BMPER: variants seen among roughly 807,000 people sequenced by gnomAD.
The protein encoded by BMPER is BMP binding endothelial regulator, also known as BMP-binding endothelial regulator protein.
A neutral mutation model predicts 87.3 loss-of-function variants in BMPER; 45 were observed. The ratio of observed to expected loss-of-function variants is 0.52; its 90% CI spans 0.41 to 0.66. BMPER has a LOEUF of 0.66. Ranked by LOEUF, BMPER falls within the 30% of genes least tolerant of loss-of-function variation. The pLI is 0.00. For synonymous variants in BMPER, 326 were observed against 316.2 expected (o/e 1.03, Z -0.33); for missense variants, 784 against 867.5 (o/e 0.90, Z 1.21).
In BMPER at chr7:34,058,303, C is replaced by G. The variant is rs1049594212; in HGVS notation, c.1032+140C>G. On this transcript the variant is annotated intron_variant, in intron 10 of 14. Coordinates refer to ENST00000649409, the MANE Select transcript of BMPER (RefSeq NM_001365308.1). ...TTCCTGACTAGTCAAATGCCTCTTG[C>G]AAAGTTTGCTCATTCTTCTTGCAGA... The G allele has an allele frequency of 6.2e-6, 5 of 802,198 alleles. No homozygotes were observed. In the Admixed American group the frequency reaches 1.0e-4, roughly 16 times the overall value. 49.7% of individuals were successfully genotyped at this position (802,198 alleles called of 1,614,324 possible).
At chr7:34,028,959 G>T (rs1281775933) in intron 6 of BMPER, among the ~76,000 whole-genome samples, 3 of 151,938 alleles carry the variant, frequency 2.0e-5, no homozygotes, top group Non-Finnish European at 2.9e-5. Context: ...GACAGAATTA[G>T]AATTTGGAAA....
intron 6 of BMPER, among the ~76,000 whole-genome samples, chr7:34,009,077 A>G (rs1304063835): frequency 6.6e-6 from 1 of 150,884 alleles, no homozygotes; most frequent in Non-Finnish European, 1.5e-5. Context: ...TCCTGCCTTG[A>G]CCTCTGAAAG....
Position 33,905,655 on chromosome 7 carries a change from C to G in BMPER, c.42C>G (p.Tyr14Ter). ...GCGTCGGGGCTCTGGCTGAGCGTTA[C>G]TGCCGCCGCTCGCCTGGGATTACGT... The part of the protein sequence containing the change: ...FSGVGALAER[Y>*]CRRSPGITCC... Residue 14 changes from tyrosine (Y) to a stop codon, truncating the protein, a stop_gained, in exon 1 of 15, where the codon TAC becomes TAG. Transcript: ENST00000649409. LOFTEE classifies it high-confidence loss of function. The G allele has an allele frequency of 1.9e-6, 3 of 1,613,384 alleles. No homozygotes were observed. Among genetic ancestry groups the G allele is most frequent in the Non-Finnish European group, 2.5e-6 (3 of 1,179,914 alleles).
chr7:34,057,335 T>C (rs1788312396), intron 9 of BMPER, among the ~76,000 whole-genome samples: 1 of 152,204 alleles, frequency 6.6e-6, no homozygotes, highest in Non-Finnish European at 1.5e-5. Flanking sequence ...TCACAGATTA[T>C]ACCTTTCATG....
At chr7:34,063,405 G>A (rs1585792364) in intron 11 of BMPER, among the ~76,000 whole-genome samples, 1 of 145,650 alleles carries the variant, frequency 6.9e-6, no homozygotes, top group South Asian at 2.2e-4. Context: ...GTGTGTGTGT[G>A]TATTTATATA....
In BMPER at chr7:34,085,918, A is replaced by G. The variant is rs1789189684; in HGVS notation, c.1571A>G (p.Glu524Gly). ...NFKFDVDDFA[E>G]SWRVESNEFC... ...AAGTTTGATGTGGATGACTTTGCTG[A>G]ATCTTGGAGGGTGGAGTCCAATGAG... is the stretch of plus-strand genomic sequence containing the variant. The change falls in exon 13 of 15, where the codon GAA (glutamate) becomes GGA (glycine). Residue 524 changes from glutamate to glycine, a missense_variant. Physicochemically the swap from Glu to Gly is moderately conservative, Grantham distance 98 (BLOSUM62 -2). Transcript: ENST00000649409. 1 of 1,614,026 alleles carries G rather than the reference A, an allele frequency of 6.2e-7. No homozygotes were observed. Among genetic ancestry groups the G allele is most frequent in the South Asian group, 1.1e-5 (1 of 91,084 alleles).
At chr7:33,911,614 G>A (rs774201816) in intron 2 of BMPER, among the ~76,000 whole-genome samples, 22 of 152,142 alleles carry the variant, frequency 1.4e-4, no homozygotes, top group Non-Finnish European at 2.5e-4. Context: ...AAAGAACTTT[G>A]GCCCAGACAT....
At chr7:33,914,265 T>C (rs1273682748) in intron 2 of BMPER, among the ~76,000 whole-genome samples, 2 of 152,182 alleles carry the variant, frequency 1.3e-5, no homozygotes, top group Non-Finnish European at 2.9e-5. Context: ...GCGCCCGGCC[T>C]TCAGCACAAT....
intron 13 of BMPER, among the ~76,000 whole-genome samples, chr7:34,107,451 C>G (rs573314373): frequency 1.3e-4 from 20 of 152,230 alleles, no homozygotes; most frequent in African/African-American, 4.6e-4. Context: ...TAATTTCTGC[C>G]AAACCTCAGA....
At chr7:34,023,197 C>T (rs1787244355) in intron 6 of BMPER, among the ~76,000 whole-genome samples, 2 of 152,048 alleles carry the variant, frequency 1.3e-5, no homozygotes, top group Non-Finnish European at 2.9e-5. Context: ...TGACCCTGCT[C>T]ATAGCAGGAT....
chr7:34,007,035 A>T (rs554350212), intron 6 of BMPER, among the ~76,000 whole-genome samples: 1 of 152,232 alleles, frequency 6.6e-6, no homozygotes, highest in South Asian at 2.1e-4. Flanking sequence ...GTTAGAATTC[A>T]GTGAATGGCA....
chr7:34,130,757 G>A (rs992923219), intron 13 of BMPER, among the ~76,000 whole-genome samples: 8 of 152,170 alleles, frequency 5.3e-5, no homozygotes, highest in African/African-American at 1.9e-4. Flanking sequence ...ACCTTATCTA[G>A]ACTGGGGATC....
chr7:34,127,169 G>A (rs73320484), intron 13 of BMPER, among the ~76,000 whole-genome samples: 1 of 152,150 alleles, frequency 6.6e-6, no homozygotes, highest in Admixed American at 6.5e-5. Context: ...GAGAGAACCC[G>A]TTGGTGGGCT....
In BMPER at chr7:34,078,096, G is replaced by A. The variant is rs75647181; in HGVS notation, c.1079-761G>A. 1.8e-4 allele frequency among the ~76,000 whole-genome samples: 27 copies of A among 152,176 alleles called. No homozygotes were observed. The East Asian group carries it at 4.2e-3, about 24-fold the overall frequency. ...AGAAATCTTAGGGCTGCCCTAAAGT[G>A]TAAAACTTTACTTTGATCTCATAAG... On this transcript the variant is annotated intron_variant, in intron 11 of 14. Coordinates refer to ENST00000649409, the MANE Select transcript of BMPER (RefSeq NM_001365308.1).
chr7:34,011,521 T>C (rs945585205), intron 6 of BMPER, among the ~76,000 whole-genome samples: 1 of 140,812 alleles, frequency 7.1e-6, no homozygotes, highest in Non-Finnish European at 1.5e-5. Flanking sequence ...AAAATTTCCA[T>C]TAAAGGAAAA....
At chr7:33,942,743 CT>C (rs1784798169) in intron 3 of BMPER, among the ~76,000 whole-genome samples, 1 of 152,200 alleles carries the variant, frequency 6.6e-6, no homozygotes, top group Non-Finnish European at 1.5e-5. Flanking sequence ...TGAGAAATCT[CT>C]TTACCTTTTG....
intron 2 of BMPER, among the ~76,000 whole-genome samples, chr7:33,913,435 G>A (rs76886096): frequency 0.011 from 1,358 of 128,364 alleles, 29 homozygotes; most frequent in East Asian, 0.056. Flanking sequence ...GCTTTTGTAC[G>A]GGATATACAG....
intron 14 of BMPER, among the ~76,000 whole-genome samples, chr7:34,146,291 A>C (rs1388826437): frequency 6.6e-6 from 1 of 152,164 alleles, no homozygotes; most frequent in African/African-American, 2.4e-5. Flanking sequence ...AAAAGTCTGG[A>C]AGTTGAACAT....
chr7:33,975,621 C>T (rs1785667476), intron 6 of BMPER, among the ~76,000 whole-genome samples: 1 of 152,118 alleles, frequency 6.6e-6, no homozygotes, highest in African/African-American at 2.4e-5. Context: ...AAGTCATTTA[C>T]AGTAGGGAGT....
Sources: gnomAD v4.1 joint callset for allele counts (sites outside exome capture counted in the v4.1 genomes callset) on GRCh38, gnomAD v4.1.1 for gene constraint, MANE v1.5 for transcripts, NCBI Gene and HGNC (gene_info 2026-07-23, HGNC 2026-07-21) for gene names.